Variants in ATG4C observed in about 807,000 individuals in gnomAD.
ATG4C encodes the protein cysteine protease ATG4C.
A neutral mutation model predicts 57.6 loss-of-function variants in ATG4C; 56 were observed. That is an observed-to-expected ratio of 0.97 (90% CI 0.78 to 1.21). The LOEUF (loss-of-function observed/expected upper bound fraction) is 1.21. ATG4C is among the 50% of genes most tolerant of loss of function. ATG4C has a pLI of 0.00. For synonymous variants in ATG4C, 157 were observed against 174.1 expected, an observed-to-expected ratio of 0.90 and a Z score of 0.78; for missense variants, 595 against 529.8, an observed-to-expected ratio of 1.12 and a Z score of -1.21.
chr1:62,859,303 C>T (rs1353903925), intron 10 of ATG4C, among the ~76,000 whole-genome samples: 2 of 152,128 alleles, frequency 1.3e-5, no homozygotes, highest in Non-Finnish European at 2.9e-5. Context: ...CACTTCCGTC[C>T]TAAGCATTTC....
rs1348808558 is a variant in ATG4C, at chr1:62,851,784, AAAAC to A, written c.1209+10241_1209+10244del. ...AGGAGTGGGAATACTAACTCCAAGA[AAAAC>A]AAAGCTTAGAAAAAAAGGAATGTAA... On this transcript the variant is annotated intron_variant, in intron 10 of 10. Transcript: ENST00000317868. 7.2e-5 allele frequency among the ~76,000 whole-genome samples: 11 copies of A among 152,366 alleles called. No homozygotes were observed. The East Asian group carries it at 2.1e-3, about 29-fold the overall frequency.
intron 1 of ATG4C, among the ~76,000 whole-genome samples, chr1:62,786,584 T>C (rs1391099811): frequency 6.6e-6 from 1 of 151,990 alleles, no homozygotes; most frequent in Non-Finnish European, 1.5e-5. Flanking sequence ...GTGAGCCTTA[T>C]AAAGCACTTT....
chr1:62,794,880 T>C (rs1423210178), intron 1 of ATG4C, among the ~76,000 whole-genome samples: 1 of 152,092 alleles, frequency 6.6e-6, no homozygotes, highest in Non-Finnish European at 1.5e-5. Context: ...TGATAGCCCA[T>C]TGTGTTAGAG....
chr1:62,834,456 T>A (rs1005812101), intron 8 of ATG4C, among the ~76,000 whole-genome samples: 1 of 152,092 alleles, frequency 6.6e-6, no homozygotes, highest in African/African-American at 2.4e-5. Flanking sequence ...AGCAATATGT[T>A]CTTCCTGTCA....
At chr1:62,798,581 A>C (rs774407372) in intron 1 of ATG4C, among the ~76,000 whole-genome samples, 1 of 151,992 alleles carries the variant, frequency 6.6e-6, no homozygotes, top group Non-Finnish European at 1.5e-5. Context: ...GGCTCAAGGG[A>C]TCATCTTTCA....
intron 1 of ATG4C, among the ~76,000 whole-genome samples, chr1:62,786,273 C>G (rs1664079680): frequency 6.6e-6 from 1 of 152,190 alleles, no homozygotes; most frequent in South Asian, 2.1e-4. Context: ...AGACACTCTT[C>G]AAGGTGCTGG....
chr1:62,863,080 A>T (rs1666902954), intron 10 of ATG4C, among the ~76,000 whole-genome samples: 1 of 152,062 alleles, frequency 6.6e-6, no homozygotes, highest in Admixed American at 6.6e-5. Flanking sequence ...AATGAAAATC[A>T]TTAAAAGTTT....
At chr1:62,823,117 T>C (rs916409610) in intron 6 of ATG4C, among the ~76,000 whole-genome samples, 4 of 152,230 alleles carry the variant, frequency 2.6e-5, no homozygotes, top group African/African-American at 9.6e-5. Flanking sequence ...ATTGTGCCAC[T>C]GCACTCCAGC....
intron 6 of ATG4C, among the ~76,000 whole-genome samples, chr1:62,828,425 G>A (rs1426261188): frequency 6.6e-6 from 1 of 151,912 alleles, no homozygotes; most frequent in Non-Finnish European, 1.5e-5. Flanking sequence ...TTTTTAATAC[G>A]CTTATTGGCT....
At chr1:62,843,005 G>C (rs545000148) in intron 10 of ATG4C, among the ~76,000 whole-genome samples, 1 of 152,082 alleles carries the variant, frequency 6.6e-6, no homozygotes, top group East Asian at 1.9e-4. Context: ...GATATTTATT[G>C]ATGTTGATGA....
chr1:62,802,477 AAAAG>A (rs1276193041), intron 1 of ATG4C, among the ~76,000 whole-genome samples: 11 of 152,078 alleles, frequency 7.2e-5, no homozygotes, highest in Non-Finnish European at 2.9e-5. Flanking sequence ...AAAAAAAAAA[AAAAG>A]AAATCCAAAC....
chr1:62,839,030 G>C (rs1195548199), intron 9 of ATG4C, among the ~76,000 whole-genome samples: 1 of 152,102 alleles, frequency 6.6e-6, no homozygotes, highest in Non-Finnish European at 1.5e-5. Flanking sequence ...AGTATTATTG[G>C]TTCTTACATG....
chr1:62,864,203 G>A lies in ATG4C; in HGVS notation c.*44G>A, dbSNP rs779113530. ...TTGATAAGAAGAATTCCATTGAAAG[G>A]GGAAAAATGAAGAGAAACAAGTATA... On this transcript the variant is annotated 3_prime_UTR_variant, in exon 11 of 11. Coordinates refer to ENST00000317868, the MANE Select transcript of ATG4C (RefSeq NM_032852.4). The A allele has an allele frequency of 2.2e-5, 33 of 1,491,950 alleles. No homozygotes were observed. Among genetic ancestry groups the A allele is most frequent in the Non-Finnish European group, 2.9e-5 (32 of 1,109,304 alleles). 92.4% of individuals were successfully genotyped at this position (1,491,950 alleles called of 1,614,324 possible).
At chr1:62,798,793 C>T (rs1416355953) in intron 1 of ATG4C, among the ~76,000 whole-genome samples, 1 of 151,958 alleles carries the variant, frequency 6.6e-6, no homozygotes, top group African/African-American at 2.4e-5. Context: ...TACAGGCATG[C>T]ACCACCATGC....
At chr1:62,791,450 C>T (rs1183125694) in intron 1 of ATG4C, among the ~76,000 whole-genome samples, 1 of 152,114 alleles carries the variant, frequency 6.6e-6, no homozygotes, top group Non-Finnish European at 1.5e-5. Flanking sequence ...ATAACTGAAA[C>T]TGGGTAATTT....
chr1:62,828,748 T>G (rs981101665), intron 6 of ATG4C, among the ~76,000 whole-genome samples: 1 of 152,196 alleles, frequency 6.6e-6, no homozygotes, highest in Non-Finnish European at 1.5e-5. Context: ...CAGGATGGTA[T>G]TGCCTAGGTT....
intron 10 of ATG4C, among the ~76,000 whole-genome samples, chr1:62,856,744 C>A: frequency 6.6e-6 from 1 of 152,110 alleles, no homozygotes; most frequent in East Asian, 1.9e-4. Context: ...TGGACTGGAA[C>A]TTTACTGATG....
intron 3 of ATG4C, among the ~76,000 whole-genome samples, chr1:62,810,827 A>G (rs1452135572): frequency 6.6e-6 from 1 of 151,994 alleles, no homozygotes; most frequent in Non-Finnish European, 1.5e-5. Context: ...TAGAACAGAT[A>G]CATGTTTTCA....
chr1:62,844,586 T>C (rs1191445319), intron 10 of ATG4C, among the ~76,000 whole-genome samples: 2 of 152,036 alleles, frequency 1.3e-5, no homozygotes, highest in African/African-American at 2.4e-5. Context: ...AAATTAATTT[T>C]AAAATTTCAG....
Sources: gnomAD v4.1 joint callset for allele counts (sites outside exome capture counted in the v4.1 genomes callset) on GRCh38, gnomAD v4.1.1 for gene constraint, MANE v1.5 for transcripts, NCBI Gene and HGNC (gene_info 2026-07-23, HGNC 2026-07-21) for gene names.